ADRB1: variants seen among roughly 807,000 people sequenced by gnomAD.
The protein encoded by ADRB1 is beta-1 adrenergic receptor.
For synonymous variants in ADRB1, 365 were observed against 347.2 expected, an observed-to-expected ratio of 1.05 and a Z score of -0.57; for missense variants, 635 against 709.1, an observed-to-expected ratio of 0.90 and a Z score of 1.19.
chr10:114,045,311 C>T lies in ADRB1; in HGVS notation c.1179C>T (p.Cys393=), dbSNP rs771969708. Residue 393 remains cysteine, a synonymous_variant, in exon 1 of 1, where the codon TGC becomes TGT. Coordinates refer to ENST00000369295, the MANE Select transcript of ADRB1 (RefSeq NM_000684.3). ...AGGCCTTCCAGGGACTGCTCTGCTG[C>T]GCGCGCAGGGCTGCCCGCCGGCGCC... ...FRKAFQGLLC[C]ARRAARRRHA... 98 of 1,556,490 alleles carry T rather than the reference C, an allele frequency of 6.3e-5. No homozygotes were observed. The highest frequency in any genetic ancestry group is 8.1e-5 in the Non-Finnish European group (93 of 1,149,610).
rs1340602211 is a variant in ADRB1 at position 114,045,095 on chromosome 10, G to A, written c.963G>A (p.Lys321=). The change falls in exon 1 of 1, where the codon AAG becomes AAA. Residue 321 remains lysine (K), a synonymous_variant. Coordinates refer to ENST00000369295, the MANE Select transcript of ADRB1 (RefSeq NM_000684.3). The part of the protein sequence containing the change: ...PSRLVALREQ[K]ALKTLGIIMG... ...GCCTCGTGGCCCTGCGCGAGCAGAA[G>A]GCGCTCAAGACGCTGGGCATCATCA... The A allele has an allele frequency of 4.0e-6, 6 of 1,512,532 alleles. No individual in the cohort carries two copies. The South Asian group carries it at 6.1e-5, about 15-fold the overall frequency. The allele number at this position is 1,512,532 out of a possible 1,614,324, so 93.7% of individuals were successfully genotyped here.
chr10:114,045,734 A>T lies in ADRB1; in HGVS notation c.*168A>T. On this transcript the variant is annotated 3_prime_UTR_variant, in exon 1 of 1. Coordinates refer to ENST00000369295, the MANE Select transcript of ADRB1 (RefSeq NM_000684.3). ...GTTGCACAAAAAGGAAAGTTTGGGA[A>T]GGGATGGGAGAGTGGCTTGCTGATG... 1 of 540,954 alleles carries T rather than the reference A, an allele frequency of 1.8e-6. No homozygotes were observed. The highest frequency in any genetic ancestry group is 2.8e-6 in the Non-Finnish European group (1 of 352,600). The allele number at this position is 540,954 out of a possible 1,614,324, so 33.5% of individuals were successfully genotyped here.
Position 114,045,051 on chromosome 10 carries a change from G to C in ADRB1, c.919G>C (p.Gly307Arg). ...CGCCCCGCTGGCCAACGGGCGTGCG[G>C]GTAAGCGGCGGCCCTCGCGCCTCGT... ...ATAPLANGRA[G>R]KRRPSRLVAL... The change falls in exon 1 of 1, where the codon GGT becomes CGT. Residue 307 changes from glycine (G) to arginine (R), a missense_variant. Transcript: ENST00000369295. 2.2e-6 allele frequency: 3 copies of C among 1,357,014 alleles called. No homozygotes were observed. Among genetic ancestry groups the C allele is most frequent in the South Asian group, 3.1e-5 (2 of 63,502 alleles). The allele number at this position is 1,357,014 out of a possible 1,614,324, so 84.1% of individuals were successfully genotyped here. A position where few individuals can be genotyped will look rare whatever the true frequency, so the allele number is the denominator to read the frequency against.
Position 114,045,169 on chromosome 10 carries a change from T to G in ADRB1, c.1037T>G (p.Val346Gly). The G allele has an allele frequency of 6.3e-7, 1 of 1,599,530 alleles. No homozygotes were observed. Among genetic ancestry groups the G allele is most frequent in the Non-Finnish European group, 8.5e-7 (1 of 1,173,026 alleles). The stretch of plus-strand genomic sequence containing the variant: ...CTGCCCTTCTTCCTGGCCAACGTGG[T>G]GAAGGCCTTCCACCGCGAGCTGGTG... ...CWLPFFLANVVKAFHRELVPD... is the reference protein window; with the variant it reads ...CWLPFFLANVGKAFHRELVPD... The change falls in exon 1 of 1, where the codon GTG becomes GGG. Residue 346 changes from valine (V) to glycine (G), a missense_variant. By Grantham distance (109) the Val-to-Gly change is moderately radical. Coordinates refer to ENST00000369295, the MANE Select transcript of ADRB1 (RefSeq NM_000684.3).
In ADRB1 at chr10:114,044,259, C is replaced by T. The variant is rs1490410236; in HGVS notation, c.127C>T (p.Leu43=). 1.3e-6 allele frequency: 2 copies of T among 1,508,046 alleles called. No homozygotes were observed. Among genetic ancestry groups the T allele is most frequent in the South Asian group, 2.5e-5 (2 of 80,736 alleles). 93.4% of individuals were successfully genotyped at this position (1,508,046 alleles called of 1,614,324 possible). The change falls in exon 1 of 1, where the codon CTG becomes TTG. Residue 43 remains leucine, a synonymous_variant. Coordinates refer to ENST00000369295, the MANE Select transcript of ADRB1 (RefSeq NM_000684.3). This position sits in a 1 kb window ranked among gnomAD's most constrained non-coding sequence, Gnocchi z 7.8. ...GCCCGCGTCGCCGCCCGCCTCGTTG[C>T]TGCCTCCCGCCAGCGAAAGCCCCGA... is the stretch of plus-strand genomic sequence containing the variant. The part of the protein sequence containing the change: ...LVPASPPASL[L]PPASESPEPL...
rs528019005 is a variant in ADRB1, at chr10:114,045,534, C to G, written c.1402C>G (p.Arg468Gly). ...CGACTCGAGCCTGGACGAGCCGTGC[C>G]GCCCCGGCTTCGCCTCGGAATCCAA... ...DSDSSLDEPC[R>G]PGFASESKV The change falls in exon 1 of 1, where the codon CGC (arginine) becomes GGC (glycine). Residue 468 changes from arginine to glycine, a missense_variant. By Grantham distance (125) the Arg-to-Gly change is moderately radical. Transcript: ENST00000369295. 7.6e-7 allele frequency: 1 copy of G among 1,310,530 alleles called. No individual in the cohort carries two copies. The highest frequency in any genetic ancestry group is 3.1e-5 in the East Asian group (1 of 32,266). 81.2% of individuals were successfully genotyped at this position (1,310,530 alleles called of 1,614,324 possible).
chr10:114,045,494 G>T lies in ADRB1; in HGVS notation c.1362G>T (p.Gly454=). 2 of 1,290,046 alleles carry T rather than the reference G, an allele frequency of 1.6e-6. No homozygotes were observed. The highest frequency in any genetic ancestry group is 2.7e-5 in the South Asian group (1 of 37,704). The allele number at this position is 1,290,046 out of a possible 1,614,324, so 79.9% of individuals were successfully genotyped here. ...AGCCCTGGGCCGGCTGCAACGGCGG[G>T]GCGGCGGCGGACAGCGACTCGAGCC... ...LLEPWAGCNG[G]AAADSDSSLD... is the part of the protein sequence containing the mutation. The change falls in exon 1 of 1, where the codon GGG becomes GGT. Residue 454 remains glycine, a synonymous_variant. Coordinates refer to ENST00000369295, the MANE Select transcript of ADRB1 (RefSeq NM_000684.3).
In ADRB1 at chr10:114,044,221, C is replaced by A; in HGVS notation, c.89C>A (p.Ala30Glu). ...CTCCCCGACGGCGCGGCCACCGCGG[C>A]GCGGCTGCTGGTGCCCGCGTCGCCG... ...APLPDGAATA[A>E]RLLVPASPPA... The change falls in exon 1 of 1, where the codon GCG becomes GAG. Residue 30 changes from alanine (A) to glutamate (E), a missense_variant. Ala to Glu is a moderately radical substitution (Grantham distance 107). Transcript: ENST00000369295. This position sits in a 1 kb window ranked among gnomAD's most constrained non-coding sequence, Gnocchi z 7.8. The A allele has an allele frequency of 1.4e-6, 2 of 1,417,152 alleles. No homozygotes were observed. The highest frequency in any genetic ancestry group is 2.4e-4 in the Middle Eastern group (1 of 4,098). 87.8% of individuals were successfully genotyped at this position (1,417,152 alleles called of 1,614,324 possible).
At position 114,044,409 on chromosome 10, in the gene ADRB1, A is replaced by G. The variant is rs763564640; in HGVS notation, c.277A>G (p.Thr93Ala). The G allele has an allele frequency of 6.2e-7, 1 of 1,611,816 alleles. No individual in the cohort carries two copies. Among genetic ancestry groups the G allele is most frequent in the African/African-American group, 1.3e-5 (1 of 75,058 alleles). Residue 93 changes from threonine to alanine, a missense_variant, in exon 1 of 1, where the codon ACC becomes GCC. Thr to Ala is a moderately conservative substitution (Grantham distance 58, BLOSUM62 0). Coordinates refer to ENST00000369295, the MANE Select transcript of ADRB1 (RefSeq NM_000684.3). This position sits in a 1 kb window ranked among gnomAD's most constrained non-coding sequence, Gnocchi z 7.8. ...IAKTPRLQTL[T>A]NLFIMSLASA... Reference sequence around the variant, plus strand: ...CAAGACGCCGCGGCTGCAGACGCTCACCAACCTCTTCATCATGTCCCTGGC... The same window carrying G: ...CAAGACGCCGCGGCTGCAGACGCTCGCCAACCTCTTCATCATGTCCCTGGC...
In ADRB1 at chr10:114,044,365, T is replaced by C. The variant is rs1847529536; in HGVS notation, c.233T>C (p.Leu78Pro). The part of the protein sequence containing the change: ...IVLLIVAGNV[L>P]VIVAIAKTPR... ...CTGCTCATCGTGGCGGGCAATGTGC[T>C]GGTGATCGTGGCCATCGCCAAGACG... Residue 78 changes from leucine to proline, a missense_variant, in exon 1 of 1, where the codon CTG becomes CCG. Leu to Pro is a moderately conservative substitution (Grantham distance 98). Coordinates refer to ENST00000369295, the MANE Select transcript of ADRB1 (RefSeq NM_000684.3). This position sits in a 1 kb window ranked among gnomAD's most constrained non-coding sequence, Gnocchi z 7.8. The C allele has an allele frequency of 6.2e-7, 1 of 1,608,576 alleles. No homozygotes were observed. The highest frequency in any genetic ancestry group is 1.3e-5 in the African/African-American group (1 of 74,864).
rs1405263908 is a variant in ADRB1 at position 114,045,080 on chromosome 10, C to T, written c.948C>T (p.Ala316=). ...AGCGGCGGCCCTCGCGCCTCGTGGC[C>T]CTGCGCGAGCAGAAGGCGCTCAAGA... ...AGKRRPSRLV[A]LREQKALKTL... The change falls in exon 1 of 1, where the codon GCC becomes GCT. Residue 316 remains alanine (A), a synonymous_variant. Transcript: ENST00000369295. 2 of 1,474,080 alleles carry T rather than the reference C, an allele frequency of 1.4e-6. No individual in the cohort carries two copies. Among genetic ancestry groups the T allele is most frequent in the African/African-American group, 1.5e-5 (1 of 68,858 alleles). 91.3% of individuals were successfully genotyped at this position (1,474,080 alleles called of 1,614,324 possible). A position where few individuals can be genotyped will look rare whatever the true frequency, so the allele number is the denominator to read the frequency against.
chr10:114,045,298 G>T lies in ADRB1; in HGVS notation c.1166G>T (p.Gly389Val), dbSNP rs17875445. The T allele has an allele frequency of 7.5e-4, 1,182 of 1,576,564 alleles. 11 individuals are homozygous for T. The African/African-American group carries it at 0.015, about 20-fold the overall frequency. The change falls in exon 1 of 1, where the codon GGA becomes GTA. Residue 389 changes from glycine to valine, a missense_variant. Transcript: ENST00000369295. Reference sequence around the variant, plus strand: ...CCCGACTTCCGCAAGGCCTTCCAGGGACTGCTCTGCTGCGCGCGCAGGGCT... The same window carrying T: ...CCCGACTTCCGCAAGGCCTTCCAGGTACTGCTCTGCTGCGCGCGCAGGGCT... ...RSPDFRKAFQ[G>V]LLCCARRAAR... is the part of the protein sequence containing the mutation.
At position 114,044,104 on chromosome 10, in the gene ADRB1, C is replaced by G. The variant is rs1458063650; in HGVS notation, c.-29C>G. On this transcript the variant is annotated 5_prime_UTR_variant, in exon 1 of 1. Coordinates refer to ENST00000369295, the MANE Select transcript of ADRB1 (RefSeq NM_000684.3). This position sits in a 1 kb window ranked among gnomAD's most constrained non-coding sequence, Gnocchi z 7.8. ...CCAACCACGGCCCAGCCCTGCCACA[C>G]CCCCCGCCCCCGGCCTCCGCAGCTC... 2.4e-6 allele frequency: 3 copies of G among 1,248,694 alleles called. No homozygotes were observed. The highest frequency in any genetic ancestry group is 4.4e-5 in the Admixed American group (1 of 22,844). The allele number at this position is 1,248,694 out of a possible 1,614,324, so 77.4% of individuals were successfully genotyped here. A position where few individuals can be genotyped will look rare whatever the true frequency, so the allele number is the denominator to read the frequency against.
At position 114,045,644 on chromosome 10, in the gene ADRB1, C is replaced by A; in HGVS notation, c.*78C>A. The stretch of plus-strand genomic sequence containing the variant: ...ATCTGTGTTTACTTAAGACCGATAG[C>A]AGGTGAACTCGAAGCCCACAATCCT... On this transcript the variant is annotated 3_prime_UTR_variant, in exon 1 of 1. Transcript: ENST00000369295. 2 of 1,193,946 alleles carry A rather than the reference C, an allele frequency of 1.7e-6. No homozygotes were observed. Among genetic ancestry groups the A allele is most frequent in the South Asian group, 4.2e-5 (1 of 23,588 alleles). The allele number at this position is 1,193,946 out of a possible 1,614,324, so 74.0% of individuals were successfully genotyped here.
rs34635547 is a variant in ADRB1 at position 114,045,800 on chromosome 10, C to CTTTTTTTT, written c.*249_*256dup. 6.1e-4 allele frequency: 72 copies of CTTTTTTTT among 118,728 alleles called. No homozygotes were observed. Among genetic ancestry groups the CTTTTTTTT allele is most frequent in the Middle Eastern group, 4.5e-3 (1 of 222 alleles). 7.4% of individuals were successfully genotyped at this position (118,728 alleles called of 1,614,324 possible). A position where few individuals can be genotyped will look rare whatever the true frequency, so the allele number is the denominator to read the frequency against. ...TTTTTCTTTTCTTTTCTTTCTTCTT[C>CTTTTTTTT]TTTTTTTTTTTTTTTTTTTTTTCTG... On this transcript the variant is annotated 3_prime_UTR_variant, in exon 1 of 1. Transcript: ENST00000369295.
In ADRB1 at chr10:114,045,446, C is replaced by G; in HGVS notation, c.1314C>G (p.Ala438=). 1 of 1,250,442 alleles carries G rather than the reference C, an allele frequency of 8.0e-7. No individual in the cohort carries two copies. Among genetic ancestry groups the G allele is most frequent in the Non-Finnish European group, 1.0e-6 (1 of 995,970 alleles). The allele number at this position is 1,250,442 out of a possible 1,614,324, so 77.5% of individuals were successfully genotyped here. A position where few individuals can be genotyped will look rare whatever the true frequency, so the allele number is the denominator to read the frequency against. ...ACGACGACGACGATGTCGTCGGGGC[C>G]ACGCCGCCCGCGCGCCTGCTGGAGC... ...SDDDDDDVVG[A]TPPARLLEPW... is the part of the protein sequence containing the mutation. Residue 438 remains alanine (A), a synonymous_variant, in exon 1 of 1, where the codon GCC becomes GCG. Coordinates refer to ENST00000369295, the MANE Select transcript of ADRB1 (RefSeq NM_000684.3).
In ADRB1 at chr10:114,045,649, G is replaced by A; in HGVS notation, c.*83G>A. On this transcript the variant is annotated 3_prime_UTR_variant, in exon 1 of 1. Transcript: ENST00000369295. ...TGTTTACTTAAGACCGATAGCAGGT[G>A]AACTCGAAGCCCACAATCCTCGTCT... is the stretch of plus-strand genomic sequence containing the variant. 1 of 1,182,182 alleles carries A rather than the reference G, an allele frequency of 8.5e-7. No individual in the cohort carries two copies. The allele number at this position is 1,182,182 out of a possible 1,614,324, so 73.2% of individuals were successfully genotyped here.
Position 114,044,287 on chromosome 10 carries a change from C to T in ADRB1, c.155C>T (p.Pro52Leu), listed in dbSNP as rs759501745. Residue 52 changes from proline to leucine, a missense_variant, in exon 1 of 1, where the codon CCG becomes CTG. Physicochemically the swap from Pro to Leu is moderately conservative, Grantham distance 98. Coordinates refer to ENST00000369295, the MANE Select transcript of ADRB1 (RefSeq NM_000684.3). This position sits in a 1 kb window ranked among gnomAD's most constrained non-coding sequence, Gnocchi z 7.8. ...CCTCCCGCCAGCGAAAGCCCCGAGC[C>T]GCTGTCTCAGCAGTGGACAGCGGGC... ...LLPPASESPE[P>L]LSQQWTAGMG... 6 of 1,579,804 alleles carry T rather than the reference C, an allele frequency of 3.8e-6. No individual in the cohort carries two copies. The highest frequency in any genetic ancestry group is 1.1e-5 in the South Asian group (1 of 88,732).
rs1847552215 is a variant in ADRB1 at position 114,045,625 on chromosome 10, G to A, written c.*59G>A. 2 of 1,242,404 alleles carry A rather than the reference G, an allele frequency of 1.6e-6. No homozygotes were observed. The highest frequency in any genetic ancestry group is 6.4e-5 in the East Asian group (2 of 31,180). 77.0% of individuals were successfully genotyped at this position (1,242,404 alleles called of 1,614,324 possible). A position where few individuals can be genotyped will look rare whatever the true frequency, so the allele number is the denominator to read the frequency against. On this transcript the variant is annotated 3_prime_UTR_variant, in exon 1 of 1. Transcript: ENST00000369295. The stretch of plus-strand genomic sequence containing the variant: ...TTCCCAGGGGAACGAGGAGATCTGT[G>A]TTTACTTAAGACCGATAGCAGGTGA...
Sources: gnomAD v4.1 joint callset for allele counts on GRCh38, gnomAD v4.1.1 for gene constraint, Gnocchi (gnomAD v3.1) non-coding constraint, MANE v1.5 for transcripts, NCBI Gene and HGNC (gene_info 2026-07-23, HGNC 2026-07-21) for gene names.